Variants in EMID1 observed in about 807,000 individuals in gnomAD.
EMID1 encodes the protein EMI domain-containing protein 1.
Under a neutral mutation model 60.6 loss-of-function variants are expected in EMID1, and 40 were observed. That is an observed-to-expected ratio of 0.66 (90% CI 0.51 to 0.86). The LOEUF is 0.86. Among genes scored for constraint, EMID1 ranks in the 40% least tolerant of loss-of-function variants. EMID1 has a pLI of 0.00. For synonymous variants in EMID1, 242 were observed against 231.0 expected, an observed-to-expected ratio of 1.05 and a Z score of -0.43; for missense variants, 585 against 597.1, an observed-to-expected ratio of 0.98 and a Z score of 0.21.
chr22:29,247,525 G>A (rs776469800), intron 13 of EMID1, among the ~76,000 whole-genome samples: 13 of 152,246 alleles, frequency 8.5e-5, no homozygotes, highest in African/African-American at 2.2e-4. Context: ...TAAACAGCAC[G>A]TTACTACGCT....
intron 13 of EMID1, among the ~76,000 whole-genome samples, chr22:29,251,484 G>A (rs935920595): frequency 3.3e-5 from 5 of 151,034 alleles, no homozygotes; most frequent in African/African-American, 1.2e-4. Context: ...TTACAGGTGT[G>A]AGCCACCATG....
intron 8 of EMID1, chr22:29,232,919 GT>G: frequency 5.3e-6 from 1 of 187,992 alleles, no homozygotes; most frequent in Non-Finnish European, 1.1e-5. Flanking sequence ...TCTCCACTGT[GT>G]TTTTGGTGCA....
At chr22:29,230,877 G>A in intron 5 of EMID1, 143 bp from the exon 6 acceptor site, 1 of 1,050,254 alleles carries the variant, frequency 9.5e-7, no homozygotes, top group South Asian at 2.2e-5. Context: ...GATCGCTTAA[G>A]CCCGGGTGGT....
At chr22:29,248,402 C>T (rs947341891) in intron 13 of EMID1, among the ~76,000 whole-genome samples, 1 of 151,716 alleles carries the variant, frequency 6.6e-6, no homozygotes, top group African/African-American at 2.4e-5. Flanking sequence ...ACTGGAAGTT[C>T]TGGGCAGTAA....
intron 1 of EMID1, among the ~76,000 whole-genome samples, chr22:29,210,754 AAAG>A (rs1014144127): frequency 1.4e-4 from 22 of 152,182 alleles, no homozygotes; most frequent in Non-Finnish European, 2.1e-4. Flanking sequence ...TCCCTGGTAA[AAAG>A]AAGGACAGCT....
chr22:29,206,117 G>A lies in EMID1; in HGVS notation c.79G>A (p.Ala27Thr). The A allele has an allele frequency of 8.1e-7, 1 of 1,230,854 alleles. No homozygotes were observed. The allele number at this position is 1,230,854 out of a possible 1,614,324, so 76.2% of individuals were successfully genotyped here. Residue 27 changes from alanine (A) to threonine (T), a missense_variant, in exon 1 of 15, where the codon GCA (alanine) becomes ACA (threonine). By Grantham distance (58) the Ala-to-Thr change is moderately conservative. Transcript: ENST00000334018. Reference sequence around the variant, plus strand: ...AGGCGGCGCTGCGTGGAGCATCGGGGCAGCTCCGTTCTCCGGACGCAGGTA... The same window carrying A: ...AGGCGGCGCTGCGTGGAGCATCGGGACAGCTCCGTTCTCCGGACGCAGGTA... ...PGGGAAWSIGAAPFSGRRNWC... is the reference protein window; with the variant it reads ...PGGGAAWSIGTAPFSGRRNWC...
At chr22:29,243,597 C>T (rs1381236739) in intron 13 of EMID1, 108 bp downstream of exon 13, 1 of 1,276,876 alleles carries the variant, frequency 7.8e-7, no homozygotes. Flanking sequence ...CCATCCACAT[C>T]CCCACTACAG....
intron 1 of EMID1, among the ~76,000 whole-genome samples, chr22:29,208,983 C>T (rs8135503): frequency 1.3e-3 from 196 of 152,320 alleles, no homozygotes; most frequent in Admixed American, 3.1e-3. Context: ...CCAAGGTCAC[C>T]GATGTAGGAA....
intron 3 of EMID1, among the ~76,000 whole-genome samples, chr22:29,223,023 G>A (rs1297625564): frequency 6.6e-6 from 1 of 152,152 alleles, no homozygotes; most frequent in African/African-American, 2.4e-5. Flanking sequence ...CCCAGGAGGC[G>A]GAGGTTGCAG....
At chr22:29,227,239 C>T (rs1473400849) in intron 5 of EMID1, among the ~76,000 whole-genome samples, 4 of 151,974 alleles carry the variant, frequency 2.6e-5, no homozygotes, top group African/African-American at 9.7e-5. Flanking sequence ...CATAGGTGAA[C>T]AATACCACAT....
At chr22:29,249,565 G>A (rs1302945714) in intron 13 of EMID1, among the ~76,000 whole-genome samples, 3 of 150,562 alleles carry the variant, frequency 2.0e-5, no homozygotes, top group South Asian at 2.1e-4. Flanking sequence ...GAGCCACTGC[G>A]CCTGACCCCC....
At chr22:29,256,238 C>T (rs1014004530) in intron 14 of EMID1, among the ~76,000 whole-genome samples, 5 of 151,850 alleles carry the variant, frequency 3.3e-5, no homozygotes, top group African/African-American at 1.2e-4. Flanking sequence ...TTTGGGAGGC[C>T]GAGGCGTATG....
chr22:29,220,793 G>T (rs1371294271), intron 3 of EMID1, among the ~76,000 whole-genome samples: 1 of 152,122 alleles, frequency 6.6e-6, no homozygotes, highest in African/African-American at 2.4e-5. Context: ...GTGTCATGAG[G>T]TGTCATGAGG....
chr22:29,246,296 CTT>C (rs976852386), intron 13 of EMID1, among the ~76,000 whole-genome samples: 1 of 152,006 alleles, frequency 6.6e-6, no homozygotes, highest in Non-Finnish European at 1.5e-5. Flanking sequence ...GGAATTTGGA[CTT>C]TGTTCTAGGG....
intron 5 of EMID1, among the ~76,000 whole-genome samples, chr22:29,228,771 CT>C (rs1012211542): frequency 2.0e-5 from 3 of 152,040 alleles, no homozygotes; most frequent in African/African-American, 7.2e-5. Context: ...GTTTAAAAAA[CT>C]TTTTTTAGAG....
intron 7 of EMID1, 31 bp downstream of exon 7, chr22:29,231,713 C>T: frequency 7.0e-7 from 1 of 1,435,746 alleles, no homozygotes; most frequent in Non-Finnish European, 9.2e-7. Context: ...CCCACAGCTC[C>T]TCTGGCCATC....
chr22:29,240,145 T>TG (rs1203772869), intron 12 of EMID1, among the ~76,000 whole-genome samples: 3 of 152,180 alleles, frequency 2.0e-5, no homozygotes, highest in Non-Finnish European at 2.9e-5. Flanking sequence ...CTTGTGCCCT[T>TG]GGACTGTGAA....
intron 1 of EMID1, among the ~76,000 whole-genome samples, chr22:29,211,018 TG>T (rs1240556973): frequency 3.9e-5 from 6 of 152,188 alleles, no homozygotes; most frequent in Admixed American, 3.9e-4. Context: ...GAGAGCACTG[TG>T]GGGCCGTGTG....
intron 13 of EMID1, among the ~76,000 whole-genome samples, chr22:29,248,289 A>C (rs1464263469): frequency 8.7e-6 from 1 of 114,312 alleles, no homozygotes; most frequent in Non-Finnish European, 1.8e-5. Context: ...TTCACTTTTT[A>C]AATGTTTTTG....
Sources: gnomAD v4.1 joint callset for allele counts (sites outside exome capture counted in the v4.1 genomes callset) on GRCh38, gnomAD v4.1.1 for gene constraint, MANE v1.5 for transcripts, NCBI Gene and HGNC (gene_info 2026-07-23, HGNC 2026-07-21) for gene names.